Variants in ABI3BP observed in about 807,000 individuals in gnomAD.
ABI3BP encodes the protein ABI family member 3 binding protein.
A neutral mutation model predicts 268.6 loss-of-function variants in ABI3BP; 216 were observed. The ratio of observed to expected loss-of-function variants is 0.80; its 90% confidence interval spans 0.72 to 0.90. The LOEUF is 0.90. Ranked by LOEUF, ABI3BP falls within the 40% of genes least tolerant of loss-of-function variation. The pLI is 0.00. For missense variants in ABI3BP, 2,090 were observed against 2,182.4 expected, an observed-to-expected ratio of 0.96 and a Z score of 0.84; for synonymous variants, 730 against 730.0, an observed-to-expected ratio of 1.00 and a Z score of 0.00.
chr3:100,849,872 AT>A (rs1560796407), intron 17 of ABI3BP, among the ~76,000 whole-genome samples, 172 bp downstream of exon 17: 1 of 152,240 alleles, frequency 6.6e-6, no homozygotes, highest in Non-Finnish European at 1.5e-5. Context: ...TTCTTTAAGG[AT>A]AATCATAAGG....
At chr3:100,767,354 G>A (rs1469837728) in intron 62 of ABI3BP, among the ~76,000 whole-genome samples, 1 of 152,074 alleles carries the variant, frequency 6.6e-6, no homozygotes, top group African/African-American at 2.4e-5. Flanking sequence ...GAAGACAGTG[G>A]CCATGGTTTC....
At chr3:100,753,564 T>A (rs1196606522) in intron 65 of ABI3BP, among the ~76,000 whole-genome samples, 2 of 152,152 alleles carry the variant, frequency 1.3e-5, no homozygotes, top group Non-Finnish European at 2.9e-5. Context: ...AGTGCTGGGA[T>A]TACACTGGCT....
At chr3:100,971,287 T>G (rs1211350899) in intron 1 of ABI3BP, among the ~76,000 whole-genome samples, 1 of 152,208 alleles carries the variant, frequency 6.6e-6, no homozygotes, top group Non-Finnish European at 1.5e-5. Flanking sequence ...AATTCTTCCA[T>G]TATAATGCTA....
chr3:100,823,069 C>A (rs995486042), intron 37 of ABI3BP, among the ~76,000 whole-genome samples: 22 of 151,760 alleles, frequency 1.4e-4, no homozygotes, highest in African/African-American at 5.3e-4. Flanking sequence ...TTATTAGAGA[C>A]AAAACAATAA....
intron 49 of ABI3BP, 90 bp downstream of exon 49, chr3:100,810,322 T>G: frequency 8.9e-7 from 1 of 1,121,304 alleles, no homozygotes; most frequent in Admixed American, 2.1e-5. Context: ...GGCAGAATGA[T>G]GAAGTCAGGG....
At chr3:100,752,641 G>A in intron 66 of ABI3BP, 146 bp downstream of exon 66, 1 of 754,094 alleles carries the variant, frequency 1.3e-6, no homozygotes, top group South Asian at 2.1e-5. Context: ...AATGATAACT[G>A]TTTCCGTAAC....
At chr3:100,870,467 G>A (rs775537244) in intron 9 of ABI3BP, among the ~76,000 whole-genome samples, 7 of 151,992 alleles carry the variant, frequency 4.6e-5, no homozygotes, top group Non-Finnish European at 7.4e-5. Context: ...TGATCATCAG[G>A]GAAATGCAAA....
intron 4 of ABI3BP, among the ~76,000 whole-genome samples, chr3:100,892,141 A>G (rs1297400569): frequency 1.3e-5 from 2 of 152,214 alleles, no homozygotes; most frequent in African/African-American, 4.8e-5. Context: ...ATTTTCCTAG[A>G]CAGTGGGGAG....
intron 14 of ABI3BP, among the ~76,000 whole-genome samples, chr3:100,860,605 C>A (rs2098987082): frequency 6.6e-6 from 1 of 152,146 alleles, no homozygotes; most frequent in African/African-American, 2.4e-5. Context: ...AACATATTCT[C>A]CCCACTCCCC....
chr3:100,869,323 CTTTTTGGTTT>C (rs2099084919), intron 9 of ABI3BP, among the ~76,000 whole-genome samples: 6 of 75,648 alleles, frequency 7.9e-5, no homozygotes, highest in African/African-American at 2.4e-4. Flanking sequence ...TTTTCTTCTT[CTTTTTGGTTT>C]TTTTTTTTTT....
intron 67 of ABI3BP, 66 bp downstream of exon 67, chr3:100,751,486 C>A: frequency 7.0e-7 from 1 of 1,420,506 alleles, no homozygotes; most frequent in Non-Finnish European, 9.3e-7. Context: ...TTGCTTTCCT[C>A]AGCTTGATTT....
chr3:100,846,561 C>T (rs1363875366), intron 19 of ABI3BP, 115 bp from the exon 20 acceptor site: 6 of 659,908 alleles, frequency 9.1e-6, no homozygotes, highest in Admixed American at 6.3e-5. Context: ...ATGAACTCAT[C>T]GTCTTGGAAG....
intron 20 of ABI3BP, among the ~76,000 whole-genome samples, chr3:100,842,969 C>T (rs919767317): frequency 3.9e-5 from 6 of 152,162 alleles, no homozygotes; most frequent in Non-Finnish European, 5.9e-5. Flanking sequence ...TCTACTTATA[C>T]ATTTCTAATA....
At chr3:100,824,778 G>T in intron 36 of ABI3BP, 80 bp downstream of exon 36, 1 of 1,204,584 alleles carries the variant, frequency 8.3e-7, no homozygotes, top group Non-Finnish European at 1.2e-6. Flanking sequence ...ACCTGTTGCT[G>T]CTCAGCATTG....
intron 1 of ABI3BP, among the ~76,000 whole-genome samples, chr3:100,957,856 C>T (rs1423404107): frequency 6.6e-6 from 1 of 152,136 alleles, no homozygotes; most frequent in Non-Finnish European, 1.5e-5. Flanking sequence ...TGGACTCTGT[C>T]ATTAAAATAG....
chr3:100,871,199 A>G (rs1479198870), intron 9 of ABI3BP, among the ~76,000 whole-genome samples: 1 of 152,234 alleles, frequency 6.6e-6, no homozygotes, highest in Non-Finnish European at 1.5e-5. Context: ...AAGGGTAACT[A>G]TGCAAGAGAA....
At chr3:100,906,692 G>C (rs1433786616) in intron 2 of ABI3BP, among the ~76,000 whole-genome samples, 1 of 152,154 alleles carries the variant, frequency 6.6e-6, no homozygotes, top group Non-Finnish European at 1.5e-5. Flanking sequence ...AATCTAATTT[G>C]CTTAATATTT....
At chr3:100,763,736 T>C (rs887381178) in intron 63 of ABI3BP, among the ~76,000 whole-genome samples, 5 of 152,156 alleles carry the variant, frequency 3.3e-5, no homozygotes, top group Admixed American at 1.3e-4. Flanking sequence ...CAGAATAAAA[T>C]GCATCTTAGC....
At chr3:100,821,683 A>T (rs1245663592) in intron 38 of ABI3BP, among the ~76,000 whole-genome samples, 1 of 148,546 alleles carries the variant, frequency 6.7e-6, no homozygotes, top group Non-Finnish European at 1.5e-5. Flanking sequence ...GCTCACTGCA[A>T]CCTCCACCTC....
Sources: gnomAD v4.1 joint callset for allele counts (sites outside exome capture counted in the v4.1 genomes callset) on GRCh38, gnomAD v4.1.1 for gene constraint, MANE v1.5 for transcripts, NCBI Gene and HGNC (gene_info 2026-07-23, HGNC 2026-07-21) for gene names.